The following DLG2 variants were observed in gnomAD, a reference collection of about 807,000 sequenced individuals.
DLG2 encodes the protein discs large MAGUK scaffold protein 2.
Under a neutral mutation model 132.5 loss-of-function variants are expected in DLG2, and 45 were observed. The ratio of observed to expected loss-of-function variants is 0.34; its 90% confidence interval spans 0.27 to 0.44. The LOEUF (loss-of-function observed/expected upper bound fraction) is 0.44. DLG2 is among the 20% of genes least tolerant of loss of function. The pLI is 1.00. For synonymous variants in DLG2, 424 were observed against 419.6 expected (o/e 1.01, Z -0.13); for missense variants, 1,045 against 1,196.9 (o/e 0.87, Z 1.87).
intron 9 of DLG2, among the ~76,000 whole-genome samples, chr11:84,159,042 C>T (rs2095490512): frequency 6.6e-6 from 1 of 152,130 alleles, no homozygotes; most frequent in Non-Finnish European, 1.5e-5. Context: ...GGTCACTTGA[C>T]CAGAAAGTGC....
chr11:84,619,236 T>TA (rs2099609793), intron 6 of DLG2, among the ~76,000 whole-genome samples: 1 of 151,896 alleles, frequency 6.6e-6, no homozygotes, highest in African/African-American at 2.4e-5. Flanking sequence ...TAGGGAAATT[T>TA]AAAAAAATTT....
intron 6 of DLG2, among the ~76,000 whole-genome samples, chr11:84,735,461 T>C (rs2063708924): frequency 6.6e-6 from 1 of 152,228 alleles, no homozygotes; most frequent in South Asian, 2.1e-4. Flanking sequence ...GTAGTTTGTA[T>C]TTCTGTGGCA....
chr11:83,963,183 A>G (rs1358361840), intron 13 of DLG2, among the ~76,000 whole-genome samples, 160 bp from the exon 14 acceptor site: 1 of 152,054 alleles, frequency 6.6e-6, no homozygotes, highest in East Asian at 1.9e-4. Flanking sequence ...ATTTGCATTT[A>G]ATATATACAA....
intron 3 of DLG2, among the ~76,000 whole-genome samples, chr11:85,369,902 T>C (rs1244131852): frequency 6.6e-6 from 1 of 152,246 alleles, no homozygotes; most frequent in Non-Finnish European, 1.5e-5. Flanking sequence ...AAAGCTGTGG[T>C]ACCTTTCAGG....
chr11:83,490,294 TA>T (rs1210460245), intron 21 of DLG2, among the ~76,000 whole-genome samples: 1 of 151,966 alleles, frequency 6.6e-6, no homozygotes, highest in Non-Finnish European at 1.5e-5. Context: ...ATTTGAATAT[TA>T]AAATGAATAA....
At chr11:83,804,095 G>A (rs1035624318) in intron 17 of DLG2, among the ~76,000 whole-genome samples, 1 of 152,078 alleles carries the variant, frequency 6.6e-6, no homozygotes, top group Non-Finnish European at 1.5e-5. Context: ...AAGCTCCCAA[G>A]AAACAGGTTT....
At chr11:83,857,358 T>C (rs1464022709) in intron 16 of DLG2, among the ~76,000 whole-genome samples, 1 of 152,188 alleles carries the variant, frequency 6.6e-6, no homozygotes, top group African/African-American at 2.4e-5. Context: ...GTGAAGAATC[T>C]CATGGTAGTT....
At chr11:85,512,503 T>C (rs2094096273) in intron 3 of DLG2, among the ~76,000 whole-genome samples, 1 of 152,114 alleles carries the variant, frequency 6.6e-6, no homozygotes, top group Admixed American at 6.6e-5. Flanking sequence ...CTATAAATAA[T>C]ATAACCCTAT....
At chr11:84,068,488 C>T (rs1566325761) in intron 10 of DLG2, among the ~76,000 whole-genome samples, 3 of 152,126 alleles carry the variant, frequency 2.0e-5, no homozygotes, top group Admixed American at 2.0e-4. Flanking sequence ...CAGTTATTTG[C>T]TCCAGTGTTC....
chr11:83,653,734 T>A (rs1289032733), intron 18 of DLG2, among the ~76,000 whole-genome samples: 1 of 152,166 alleles, frequency 6.6e-6, no homozygotes, highest in Non-Finnish European at 1.5e-5. Flanking sequence ...GATTTTTATT[T>A]TTTTTTTAGA....
intron 6 of DLG2, among the ~76,000 whole-genome samples, chr11:84,604,398 T>C (rs2099581889): frequency 6.6e-6 from 1 of 151,840 alleles, no homozygotes; most frequent in Non-Finnish European, 1.5e-5. Context: ...GATAAGATAA[T>C]GAAGCTAGAG....
At chr11:84,415,369 C>T (rs1312893119) in intron 7 of DLG2, among the ~76,000 whole-genome samples, 2 of 152,170 alleles carry the variant, frequency 1.3e-5, no homozygotes, top group South Asian at 2.1e-4. Flanking sequence ...GCATTAAACA[C>T]ATGATATTAT....
intron 11 of DLG2, among the ~76,000 whole-genome samples, chr11:84,055,849 C>T (rs1217147839): frequency 6.6e-6 from 1 of 152,022 alleles, no homozygotes; most frequent in Non-Finnish European, 1.5e-5. Flanking sequence ...TCTGAATTTT[C>T]TTTGTGAATC....
intron 6 of DLG2, among the ~76,000 whole-genome samples, chr11:84,626,488 G>C (rs1376740089): frequency 6.6e-6 from 1 of 152,166 alleles, no homozygotes; most frequent in Non-Finnish European, 1.5e-5. Flanking sequence ...GAGGAAAGTT[G>C]GTGGAGCCAG....
intron 3 of DLG2, among the ~76,000 whole-genome samples, chr11:85,307,366 C>T (rs1476441119): frequency 3.3e-5 from 5 of 151,598 alleles, no homozygotes; most frequent in South Asian, 2.1e-4. Flanking sequence ...AGACTGTAAG[C>T]GGTGGGAAAA....
intron 11 of DLG2, among the ~76,000 whole-genome samples, chr11:84,032,002 A>G (rs1601094): frequency 0.017 from 2,554 of 152,266 alleles, 27 homozygotes; most frequent in Non-Finnish European, 0.025. Flanking sequence ...GAATATGCCC[A>G]TATAAGATGA....
At chr11:85,512,909 C>A (rs2094105953) in intron 3 of DLG2, among the ~76,000 whole-genome samples, 1 of 152,080 alleles carries the variant, frequency 6.6e-6, no homozygotes, top group Non-Finnish European at 1.5e-5. Flanking sequence ...TATTGCAGCA[C>A]TATTCACAAC....
At chr11:84,738,811 G>A (rs1360082914) in intron 6 of DLG2, among the ~76,000 whole-genome samples, 2 of 152,154 alleles carry the variant, frequency 1.3e-5, no homozygotes, top group African/African-American at 4.8e-5. Context: ...TGTCTACACA[G>A]TCTGCAGCTT....
chr11:84,909,183 T>C (rs1427948778), intron 6 of DLG2, among the ~76,000 whole-genome samples: 1 of 152,192 alleles, frequency 6.6e-6, no homozygotes, highest in Non-Finnish European at 1.5e-5. Flanking sequence ...TTTCTCTCTG[T>C]TCCTGCTCTT....
Sources: allele counts gnomAD v4.1 joint callset (sites outside exome capture counted in the v4.1 genomes callset), GRCh38; gene constraint gnomAD v4.1.1; transcripts MANE v1.5; gene names NCBI Gene and HGNC (gene_info 2026-07-23, HGNC 2026-07-21).